The following GABRB2 variants were observed in gnomAD, a reference collection of about 807,000 sequenced individuals.
GABRB2 encodes gamma-aminobutyric acid receptor subunit beta-2.
Under a neutral mutation model 54.7 loss-of-function variants are expected in GABRB2, and 16 were observed. The ratio of observed to expected loss-of-function variants is 0.29; its 90% CI spans 0.20 to 0.44. The LOEUF (loss-of-function observed/expected upper bound fraction) is 0.44. GABRB2 is among the 20% of genes least tolerant of loss of function. GABRB2 has a pLI of 1.00. For synonymous variants in GABRB2, 244 were observed against 233.8 expected (o/e 1.04, Z -0.40); for missense variants, 355 against 644.0 (o/e 0.55, Z 4.86).
At chr5:161,448,746 G>T (rs760999671) in intron 4 of GABRB2, among the ~76,000 whole-genome samples, 2 of 152,100 alleles carry the variant, frequency 1.3e-5, no homozygotes, top group African/African-American at 4.8e-5. Context: ...GGACTTGGTC[G>T]TTCAGAAAAG....
intron 3 of GABRB2, among the ~76,000 whole-genome samples, chr5:161,492,829 A>T (rs576136863): frequency 6.6e-6 from 1 of 151,742 alleles, no homozygotes; most frequent in Non-Finnish European, 1.5e-5. Flanking sequence ...GATCTCAGAC[A>T]TCTTTCAAAT....
chr5:161,307,694 A>G (rs1394500665), intron 9 of GABRB2, among the ~76,000 whole-genome samples: 2 of 152,024 alleles, frequency 1.3e-5, no homozygotes, highest in Non-Finnish European at 2.9e-5. Flanking sequence ...GAGATAAGAT[A>G]GTTATGGAGC....
Position 161,289,698 on chromosome 5 carries a change from CTT to C in GABRB2, c.*4381_*4382del, listed in dbSNP as rs1347028878. ...CCAATTGCCATTTCAAAGGCTATCT[CTT>C]GTTTGTTATATTGACTACATAAATA... On this transcript the variant is annotated 3_prime_UTR_variant, in exon 10 of 10. Coordinates refer to ENST00000393959, the MANE Select transcript of GABRB2 (RefSeq NM_001371727.1). 6.6e-6 allele frequency: 1 copy of C among 151,952 alleles called. No individual in the cohort carries two copies. Among genetic ancestry groups the C allele is most frequent in the Non-Finnish European group, 1.5e-5 (1 of 67,982 alleles). 9.4% of individuals were successfully genotyped at this position (151,952 alleles called of 1,614,324 possible). A position where few individuals can be genotyped will look rare whatever the true frequency, so the allele number is the denominator to read the frequency against.
chr5:161,369,797 C>T (rs1319949353), intron 5 of GABRB2, among the ~76,000 whole-genome samples: 1 of 152,032 alleles, frequency 6.6e-6, no homozygotes, highest in Non-Finnish European at 1.5e-5. Flanking sequence ...AGTGTATTTG[C>T]CTGACCTCTT....
At position 161,288,492 on chromosome 5, in the gene GABRB2, A is replaced by G. The variant is rs17458157; in HGVS notation, c.*5589T>C. 2,630 of 152,742 alleles carry G rather than the reference A, an allele frequency of 0.017. 37 individuals carry two copies. The highest frequency in any genetic ancestry group is 0.024 in the Non-Finnish European group (1,648 of 68,018). The allele number at this position is 152,742 out of a possible 1,614,324, so 9.5% of individuals were successfully genotyped here. ...GAATTACACACTAGCCAACATTATT[A>G]TATATTTACATGCTGAAACTGGCTG... On this transcript the variant is annotated 3_prime_UTR_variant, in exon 10 of 10. Transcript: ENST00000393959.
At chr5:161,472,853 A>C (rs1239064103) in intron 3 of GABRB2, among the ~76,000 whole-genome samples, 3 of 152,002 alleles carry the variant, frequency 2.0e-5, no homozygotes, top group Admixed American at 2.0e-4. Context: ...GAATGGTGAC[A>C]ATTATTACTT....
chr5:161,369,533 GGAGAGA>G (rs70990780), intron 5 of GABRB2, among the ~76,000 whole-genome samples: 3 of 146,338 alleles, frequency 2.1e-5, no homozygotes, highest in Admixed American at 6.8e-5. Context: ...AGGAGGAGAG[GGAGAGA>G]GAGAGAGAGA....
At chr5:161,425,079 AT>A (rs920736263) in intron 4 of GABRB2, among the ~76,000 whole-genome samples, 13 of 152,076 alleles carry the variant, frequency 8.5e-5, no homozygotes, top group Non-Finnish European at 1.9e-4. Flanking sequence ...AGGATTGAGA[AT>A]TTTTTTCTTA....
intron 3 of GABRB2, among the ~76,000 whole-genome samples, chr5:161,503,854 G>A (rs1378212826): frequency 6.6e-6 from 1 of 151,848 alleles, no homozygotes; most frequent in Non-Finnish European, 1.5e-5. Context: ...ACACAGGTAT[G>A]AAAGAATGAA....
At chr5:161,323,408 C>G (rs1758273778) in intron 9 of GABRB2, among the ~76,000 whole-genome samples, 1 of 152,154 alleles carries the variant, frequency 6.6e-6, no homozygotes, top group Admixed American at 6.5e-5. Flanking sequence ...TGGTGGTTTT[C>G]TCGCATAGCT....
At chr5:161,465,138 G>A (rs1758241780) in intron 3 of GABRB2, among the ~76,000 whole-genome samples, 1 of 152,042 alleles carries the variant, frequency 6.6e-6, no homozygotes, top group African/African-American at 2.4e-5. Flanking sequence ...ATGTTCCTCT[G>A]ATGTGAACTT....
chr5:161,328,840 T>A (rs962459957), intron 8 of GABRB2, among the ~76,000 whole-genome samples: 24 of 152,024 alleles, frequency 1.6e-4, no homozygotes, highest in Admixed American at 1.3e-4. Context: ...ATGAAAGATG[T>A]CTCCAGACAA....
intron 3 of GABRB2, among the ~76,000 whole-genome samples, chr5:161,509,674 A>G (rs1759707009): frequency 6.6e-6 from 1 of 151,900 alleles, no homozygotes; most frequent in Admixed American, 6.6e-5. Context: ...AAGGAGTAAT[A>G]CTCGAGATAT....
At chr5:161,412,421 C>G (rs926898151) in intron 4 of GABRB2, among the ~76,000 whole-genome samples, 1 of 151,978 alleles carries the variant, frequency 6.6e-6, no homozygotes, top group African/African-American at 2.4e-5. Flanking sequence ...TCCACTGCCT[C>G]CCCTCTGAGT....
intron 5 of GABRB2, among the ~76,000 whole-genome samples, chr5:161,341,604 G>C (rs2113416632): frequency 6.6e-6 from 1 of 151,618 alleles, no homozygotes; most frequent in East Asian, 1.9e-4. Flanking sequence ...ATATCTATAA[G>C]ATACGAATGG....
At chr5:161,469,004 T>C (rs552038076) in intron 3 of GABRB2, among the ~76,000 whole-genome samples, 3 of 152,030 alleles carry the variant, frequency 2.0e-5, no homozygotes, top group African/African-American at 4.8e-5. Context: ...TTAGATCTTA[T>C]CTTTTTGAGA....
chr5:161,346,491 T>C (rs370146659), intron 5 of GABRB2, among the ~76,000 whole-genome samples: 37 of 152,156 alleles, frequency 2.4e-4, no homozygotes, highest in African/African-American at 8.7e-4. Flanking sequence ...ACATATCTGC[T>C]TTCTAATAAG....
At chr5:161,398,957 T>A (rs1276305420) in intron 5 of GABRB2, among the ~76,000 whole-genome samples, 2 of 152,174 alleles carry the variant, frequency 1.3e-5, no homozygotes, top group East Asian at 3.9e-4. Flanking sequence ...AACTCAAAGT[T>A]AAGTGATTAG....
At chr5:161,370,193 C>CA (rs35455147) in intron 5 of GABRB2, among the ~76,000 whole-genome samples, 2 of 152,000 alleles carry the variant, frequency 1.3e-5, no homozygotes, top group Admixed American at 6.6e-5. Flanking sequence ...AATGAAATAG[C>CA]AAAAAAGTCT....
Sources: allele counts gnomAD v4.1 joint callset (sites outside exome capture counted in the v4.1 genomes callset), GRCh38; gene constraint gnomAD v4.1.1; transcripts MANE v1.5; gene names NCBI Gene and HGNC (gene_info 2026-07-23, HGNC 2026-07-21).